The following CREB3L1 variants were observed in gnomAD, a reference collection of about 807,000 sequenced individuals.
CREB3L1 encodes the protein cyclic AMP-responsive element-binding protein 3-like protein 1.
In CREB3L1, 33 loss-of-function variants were observed where a neutral mutation model predicts 54.5. The ratio of observed to expected loss-of-function variants is 0.61; its 90% CI spans 0.46 to 0.81. CREB3L1 has a LOEUF of 0.81. Ranked by LOEUF, CREB3L1 falls within the 30% of genes least tolerant of loss-of-function variation. The pLI is 0.00. For synonymous variants in CREB3L1, 284 were observed against 286.4 expected, an observed-to-expected ratio of 0.99 and a Z score of 0.08; for missense variants, 656 against 673.3, an observed-to-expected ratio of 0.97 and a Z score of 0.29.
At chr11:46,317,102 T>C (rs1939577880) in intron 9 of CREB3L1, among the ~76,000 whole-genome samples, 1 of 152,192 alleles carries the variant, frequency 6.6e-6, no homozygotes, top group East Asian at 1.9e-4. Context: ...GGACTCCACA[T>C]TGGCCACTTC....
chr11:46,304,904 G>A (rs2136348882), intron 2 of CREB3L1, among the ~76,000 whole-genome samples: 1 of 152,328 alleles, frequency 6.6e-6, no homozygotes, highest in East Asian at 1.9e-4. Flanking sequence ...TTTGCAGGGG[G>A]CAGCTTCCCG....
rs370927795 is a variant in CREB3L1 at position 46,312,878 on chromosome 11, T to C, written c.990T>C (p.Asn330=). ...TGGAGACATTTACATCTGAGAACAA[T>C]GAACTGTGGAAGAAGGTGGAGACCC... The part of the protein sequence containing the change: ...KKVETFTSEN[N]ELWKKVETLE... The change falls in exon 8 of 12, where the codon AAT becomes AAC. Residue 330 remains asparagine, a synonymous_variant. Transcript: ENST00000621158. The C allele has an allele frequency of 6.5e-5, 104 of 1,593,260 alleles. No individual in the cohort carries two copies. Among genetic ancestry groups the C allele is most frequent in the Non-Finnish European group, 8.5e-5 (99 of 1,170,148 alleles).
intron 9 of CREB3L1, among the ~76,000 whole-genome samples, chr11:46,316,878 C>T (rs1317445229): frequency 6.6e-6 from 1 of 152,216 alleles, no homozygotes; most frequent in Non-Finnish European, 1.5e-5. Context: ...GCTCAGCATG[C>T]CCCGGCCCTC....
In CREB3L1 at chr11:46,318,938, C is replaced by T. The variant is rs769519082; in HGVS notation, c.1259-1326C>T. On this transcript the variant is annotated intron_variant, in intron 10 of 11. Coordinates refer to ENST00000621158, the MANE Select transcript of CREB3L1 (RefSeq NM_052854.4). The stretch of plus-strand genomic sequence containing the variant: ...GACAGGGAGAGTGAAAGCTCCTCCC[C>T]GGACACGTGCAGGCTGAGGAGGAGA... Among the ~76,000 whole-genome samples the T allele has an allele frequency of 6.0e-4, 91 of 152,018 alleles. 1 individual carries two copies. Among genetic ancestry groups the T allele is most frequent in the Non-Finnish European group, 1.0e-3 (69 of 68,006 alleles).
intron 1 of CREB3L1, among the ~76,000 whole-genome samples, chr11:46,284,878 C>A (rs1056773495): frequency 3.9e-5 from 6 of 152,124 alleles, no homozygotes; most frequent in Non-Finnish European, 7.4e-5. Context: ...ATCACAGGGT[C>A]CCTGTCTTCA....
At chr11:46,280,044 G>A (rs1367528052) in intron 1 of CREB3L1, among the ~76,000 whole-genome samples, 1 of 152,186 alleles carries the variant, frequency 6.6e-6, no homozygotes, top group East Asian at 1.9e-4. Flanking sequence ...GAGAGGCAGC[G>A]GGAGAAGATG....
intron 4 of CREB3L1, among the ~76,000 whole-genome samples, 158 bp downstream of exon 4, chr11:46,310,225 A>ACT (rs1939463287): frequency 2.0e-5 from 3 of 149,828 alleles, no homozygotes; most frequent in Admixed American, 2.0e-4. Context: ...ATCCATGCCC[A>ACT]CTCTTCGTCT....
rs1398098019 is a variant in CREB3L1 at position 46,295,156 on chromosome 11, AC to A, written c.103-4777del. 6.6e-6 allele frequency: 1 copy of A among 152,168 alleles called. No homozygotes were observed. The highest frequency in any genetic ancestry group is 1.9e-4 in the East Asian group (1 of 5,170). 9.4% of individuals were successfully genotyped at this position (152,168 alleles called of 1,614,324 possible). ...GCTGAGGCTGCTTCTGGTCAGGGAAACCATTCTCCTACACCGACCCCAGCAG... is the reference window on the plus strand; with the variant it reads ...GCTGAGGCTGCTTCTGGTCAGGGAAACATTCTCCTACACCGACCCCAGCAG... On this transcript the variant is annotated intron_variant, in intron 1 of 11. Transcript: ENST00000621158. This position sits in a 1 kb window ranked among gnomAD's most constrained non-coding sequence, Gnocchi z 4.6.
At chr11:46,289,975 C>T (rs899477770) in intron 1 of CREB3L1, among the ~76,000 whole-genome samples, 1 of 152,188 alleles carries the variant, frequency 6.6e-6, no homozygotes, top group African/African-American at 2.4e-5. Flanking sequence ...ATCAGGGACT[C>T]TCCCCCAGGG....
At chr11:46,302,070 A>G (rs1015074081) in intron 2 of CREB3L1, among the ~76,000 whole-genome samples, 1 of 151,634 alleles carries the variant, frequency 6.6e-6, no homozygotes, top group South Asian at 2.1e-4. Flanking sequence ...CAGGAGGCTA[A>G]GGCAAGAGAA....
intron 1 of CREB3L1, among the ~76,000 whole-genome samples, chr11:46,292,206 C>A (rs1939140207): frequency 1.3e-5 from 2 of 152,212 alleles, no homozygotes; most frequent in Non-Finnish European, 2.9e-5. Flanking sequence ...GGTACAGCGG[C>A]CCCACTAGGG....
chr11:46,282,368 T>C (rs911783995), intron 1 of CREB3L1, among the ~76,000 whole-genome samples: 3 of 152,180 alleles, frequency 2.0e-5, no homozygotes, highest in Non-Finnish European at 4.4e-5. Flanking sequence ...TGGTCTAGAA[T>C]AGTCTACAGC....
chr11:46,302,967 C>T (rs982444411), intron 2 of CREB3L1, among the ~76,000 whole-genome samples: 12 of 152,008 alleles, frequency 7.9e-5, no homozygotes, highest in African/African-American at 2.2e-4. Flanking sequence ...GGTGACAAAG[C>T]GAGATTCTGT....
At chr11:46,280,890 T>G (rs1052435242) in intron 1 of CREB3L1, among the ~76,000 whole-genome samples, 4 of 152,162 alleles carry the variant, frequency 2.6e-5, no homozygotes, top group Admixed American at 6.5e-5. Context: ...GAGCAGAATA[T>G]TCGCTATCCT....
chr11:46,320,530 TG>T lies in CREB3L1; in HGVS notation c.1523+6del, dbSNP rs67946579. 1 allele frequency: 1,566,985 copies of T among 1,567,014 alleles called. 783,478 individuals are homozygous for T. Among genetic ancestry groups the T allele is most frequent in the Middle Eastern group, 1 (5,964 of 5,964 alleles). ...CTCCAAGGAGTGGTTCCACGACAGG[TG>T]GGGTGTGTGGCCCCTTTCCCTCCTG... On this transcript the variant is annotated splice_donor_region_variant and intron_variant, in intron 11 of 11. Transcript: ENST00000621158.
rs187528053 is a variant in CREB3L1, at chr11:46,291,977, G to A, written c.103-7958G>A. Among the ~76,000 whole-genome samples the A allele has an allele frequency of 1.4e-3, 210 of 152,382 alleles. 1 individual carries two copies. The highest frequency in any genetic ancestry group is 2.2e-3 in the Non-Finnish European group (151 of 68,032). ...GCCAAGGGAATTCCAGCCAGAGTGA[G>A]GCGGTAGGCTCCAGGCGAGGAGGGC... On this transcript the variant is annotated intron_variant, in intron 1 of 11. Transcript: ENST00000621158.
chr11:46,295,885 A>G lies in CREB3L1; in HGVS notation c.103-4050A>G, dbSNP rs374631370. ...AGGTCTGCAAGCAGGAGAGCTCGGG[A>G]ACCTCTCCTCCAAGGGAGGGAAGCC... is the stretch of plus-strand genomic sequence containing the variant. On this transcript the variant is annotated intron_variant, in intron 1 of 11. Coordinates refer to ENST00000621158, the MANE Select transcript of CREB3L1 (RefSeq NM_052854.4). The surrounding 1 kb of genome is among the most constrained non-coding windows in gnomAD (Gnocchi z 4.6). Among the ~76,000 whole-genome samples, 218 of 152,330 alleles carry G rather than the reference A, an allele frequency of 1.4e-3. 8 individuals carry two copies. The South Asian group carries it at 0.044, about 31-fold the overall frequency.
chr11:46,283,031 TAAA>T (rs34538983), intron 1 of CREB3L1, among the ~76,000 whole-genome samples: 9 of 146,918 alleles, frequency 6.1e-5, no homozygotes, highest in African/African-American at 2.3e-4. Flanking sequence ...CTACAAAAAA[TAAA>T]AAAAAAATGA....
chr11:46,280,713 CT>C lies in CREB3L1; in HGVS notation c.102+2503del, dbSNP rs141528200. ...GTTGCTGTGTGAACATAGCAAGTCA[CT>C]TTCCTTCTCTGGGGTCTCCATCTCC... On this transcript the variant is annotated intron_variant, in intron 1 of 11. Transcript: ENST00000621158. Among the ~76,000 whole-genome samples, 472 of 152,288 alleles carry C rather than the reference CT, an allele frequency of 3.1e-3. 2 individuals carry two copies. The highest frequency in any genetic ancestry group is 0.011 in the African/African-American group (458 of 41,562).
Sources: allele counts gnomAD v4.1 joint callset (sites outside exome capture counted in the v4.1 genomes callset), GRCh38; gene constraint gnomAD v4.1.1; non-coding constraint Gnocchi (gnomAD v3.1); transcripts MANE v1.5; gene names NCBI Gene and HGNC (gene_info 2026-07-23, HGNC 2026-07-21).